The following ACO2 variants were observed in gnomAD, a reference collection of about 807,000 sequenced individuals.
ACO2 encodes aconitate hydratase, mitochondrial.
A neutral mutation model predicts 84.5 loss-of-function variants in ACO2; 31 were observed. That is an observed-to-expected ratio of 0.37 (90% confidence interval 0.28 to 0.50). ACO2 has a LOEUF of 0.50. Among genes scored for constraint, ACO2 ranks in the 20% least tolerant of loss-of-function variants. The pLI is 0.97. For synonymous variants in ACO2, 414 were observed against 412.7 expected (o/e 1.00, Z -0.04); for missense variants, 685 against 1,029.3 (o/e 0.67, Z 4.58).
chr22:41,525,153 G>T, intron 13 of ACO2, 40 bp from the exon 14 acceptor site: 1 of 1,607,786 alleles, frequency 6.2e-7, no homozygotes. Flanking sequence ...TGTGGGAACT[G>T]AGGACTCAGC....
intron 1 of ACO2, among the ~76,000 whole-genome samples, chr22:41,476,777 G>A (rs2038019655): frequency 1.3e-5 from 2 of 152,032 alleles, no homozygotes; most frequent in South Asian, 4.1e-4. Flanking sequence ...ATTATTTTAG[G>A]AATAGGCCAT....
At chr22:41,512,092 T>C in intron 4 of ACO2, 124 bp downstream of exon 4, 1 of 604,190 alleles carries the variant, frequency 1.7e-6, no homozygotes, top group Non-Finnish European at 2.8e-6. Context: ...ATCCATCAGC[T>C]CTTATGCTCT....
intron 8 of ACO2, among the ~76,000 whole-genome samples, chr22:41,519,029 G>A (rs2066498533): frequency 6.6e-6 from 1 of 152,202 alleles, no homozygotes; most frequent in South Asian, 2.1e-4. Flanking sequence ...AAGCAGCCTG[G>A]AGCAGTGGGT....
At chr22:41,523,681 CAGG>C in intron 11 of ACO2, 146 bp from the exon 12 acceptor site, 1 of 702,058 alleles carries the variant, frequency 1.4e-6, no homozygotes, top group East Asian at 2.7e-5. Flanking sequence ...CGCGTGGCCC[CAGG>C]AGGAGGCAAC....
chr22:41,492,665 C>T (rs1029586380), intron 1 of ACO2, among the ~76,000 whole-genome samples: 2 of 152,050 alleles, frequency 1.3e-5, no homozygotes, highest in African/African-American at 2.4e-5. Flanking sequence ...CCCAGTTACT[C>T]GGGAGGCTGA....
At chr22:41,476,733 CAAAA>C (rs930780178) in intron 1 of ACO2, among the ~76,000 whole-genome samples, 7 of 151,696 alleles carry the variant, frequency 4.6e-5, no homozygotes, top group Non-Finnish European at 8.8e-5. Context: ...AACAAAAAAA[CAAAA>C]AAACACACAC....
chr22:41,521,078 C>G (rs1206878871), intron 9 of ACO2, among the ~76,000 whole-genome samples: 2 of 141,460 alleles, frequency 1.4e-5, no homozygotes, highest in African/African-American at 2.6e-5. Context: ...AGAAAAATTA[C>G]TTTTTCTTGG....
chr22:41,519,436 G>A (rs145576677), intron 8 of ACO2, among the ~76,000 whole-genome samples: 6 of 152,168 alleles, frequency 3.9e-5, no homozygotes, highest in Admixed American at 6.5e-5. Flanking sequence ...TGCATGCTGC[G>A]CACATAGCTG....
intron 16 of ACO2, 46 bp downstream of exon 16, chr22:41,527,466 G>A (rs1183824272): frequency 1.9e-6 from 3 of 1,567,182 alleles, no homozygotes; most frequent in Non-Finnish European, 1.7e-6. Context: ...CATCCCTAGT[G>A]ATCAAGGTCA....
chr22:41,522,812 C>G lies in ACO2; in HGVS notation c.1139-18C>G. 1 of 1,613,590 alleles carries G rather than the reference C, an allele frequency of 6.2e-7. No individual in the cohort carries two copies. The highest frequency in any genetic ancestry group is 1.1e-5 in the South Asian group (1 of 91,018). On this transcript the variant is annotated intron_variant, in intron 9 of 17. Transcript: ENST00000216254. ...TGTCTCCTCCTGACCCTTAACCCCA[C>G]CACCCACAATGCACCAGGTCTAATT...
At chr22:41,510,858 T>C (rs978720241) in intron 3 of ACO2, among the ~76,000 whole-genome samples, 20 of 152,208 alleles carry the variant, frequency 1.3e-4, no homozygotes, top group African/African-American at 2.4e-5. Flanking sequence ...TTCAGAACAG[T>C]GGTCCCTTCG....
chr22:41,479,719 C>T, intron 1 of ACO2, among the ~76,000 whole-genome samples: 1 of 152,214 alleles, frequency 6.6e-6, no homozygotes, highest in East Asian at 1.9e-4. Context: ...CTTGACTGAG[C>T]TTCAGCTCAG....
In ACO2 at chr22:41,507,799, G is replaced by A. The variant is rs771060439; in HGVS notation, c.182G>A (p.Arg61Gln). The change falls in exon 3 of 18, where the codon CGG (arginine) becomes CAG (glutamine). Residue 61 changes from arginine (R) to glutamine (Q), a missense_variant. Physicochemically the swap from Arg to Gln is conservative, Grantham distance 43. This residue lies in a region of ACO2 where 98 missense variants were observed against 107.6 expected (regional missense o/e 0.91). Transcript: ENST00000216254. ...NINIVRKRLNRPLTLSEKIVY... is the reference protein window; with the variant it reads ...NINIVRKRLNQPLTLSEKIVY... The stretch of plus-strand genomic sequence containing the variant: ...TGCTCTTCTCCCCACAGACTGAACC[G>A]GCCGCTGACACTCTCGGAGAAGATT... 63 of 1,613,602 alleles carry A rather than the reference G, an allele frequency of 3.9e-5. No individual in the cohort carries two copies. The highest frequency in any genetic ancestry group is 5.1e-5 in the Non-Finnish European group (60 of 1,179,736).
chr22:41,528,277 T>C, intron 17 of ACO2: 1 of 865,384 alleles, frequency 1.2e-6, no homozygotes, highest in South Asian at 1.8e-5. Flanking sequence ...GCCCACCCAC[T>C]GCAGGACCCT....
At chr22:41,499,652 C>A in intron 1 of ACO2, 74 bp from the exon 2 acceptor site, 1 of 1,498,764 alleles carries the variant, frequency 6.7e-7, no homozygotes, top group Admixed American at 2.1e-5. Context: ...TTTTTTTCAC[C>A]ATACTGAGCT....
chr22:41,497,813 G>T (rs573424973), intron 1 of ACO2, among the ~76,000 whole-genome samples: 176 of 152,022 alleles, frequency 1.2e-3, no homozygotes, highest in Non-Finnish European at 2.1e-3. Flanking sequence ...AACCCGTGAG[G>T]TGGAGGTTGC....
chr22:41,478,998 G>C (rs1310228390), intron 1 of ACO2, among the ~76,000 whole-genome samples: 1 of 152,064 alleles, frequency 6.6e-6, no homozygotes, highest in African/African-American at 2.4e-5. Flanking sequence ...CTTCTGCAGG[G>C]CATCTGTGGT....
intron 1 of ACO2, among the ~76,000 whole-genome samples, chr22:41,493,114 A>G (rs535423996): frequency 5.3e-5 from 8 of 152,146 alleles, no homozygotes; most frequent in African/African-American, 1.9e-4. Flanking sequence ...TCCCTTTATC[A>G]GGAACCGACT....
intron 1 of ACO2, among the ~76,000 whole-genome samples, chr22:41,470,399 T>C (rs1375430757): frequency 2.0e-5 from 3 of 152,192 alleles, no homozygotes; most frequent in South Asian, 2.1e-4. Context: ...CTTGAACTTA[T>C]TTTTCATCAC....
Sources: gnomAD v4.1 joint callset for allele counts (sites outside exome capture counted in the v4.1 genomes callset) on GRCh38, gnomAD v4.1.1 for gene constraint, gnomAD v4.1.1 regional missense constraint, MANE v1.5 for transcripts, NCBI Gene and HGNC (gene_info 2026-07-23, HGNC 2026-07-21) for gene names.